Variants in UNC45A observed in about 807,000 individuals in gnomAD.
UNC45A encodes the protein unc-45 myosin chaperone A.
In UNC45A, 78 loss-of-function variants were observed where a neutral mutation model predicts 103.2. That is an observed-to-expected ratio of 0.76 (90% CI 0.63 to 0.91). The LOEUF (loss-of-function observed/expected upper bound fraction) is 0.91, where lower values mean the gene tolerates loss of function less well. UNC45A is among the 40% of genes least tolerant of loss of function. UNC45A has a pLI of 0.00. For synonymous variants in UNC45A, 495 were observed against 504.6 expected (o/e 0.98, Z 0.25); for missense variants, 1,193 against 1,224.8 (o/e 0.97, Z 0.39).
intron 4 of UNC45A, among the ~76,000 whole-genome samples, chr15:90,938,498 C>T (rs2036127540): frequency 6.6e-6 from 1 of 151,914 alleles, no homozygotes; most frequent in Non-Finnish European, 1.5e-5. Flanking sequence ...AATTAGGAAG[C>T]AGATTGCCTG....
At chr15:90,932,424 C>G, upstream of UNC45A, 4 of 1,345,972 alleles carry the variant, frequency 3.0e-6, no homozygotes, top group Non-Finnish European at 3.8e-6. Flanking sequence ...GGCCGACGCG[C>G]CCACCGATGG....
In UNC45A at chr15:90,946,770, G is replaced by T. The variant is rs771082691; in HGVS notation, c.1356G>T (p.Glu452Asp). Residue 452 changes from glutamate (E) to aspartate (D), a missense_variant, in exon 10 of 20, where the codon GAG becomes GAT. Coordinates refer to ENST00000418476, the MANE Select transcript of UNC45A (RefSeq NM_018671.5). ...VIALCASEQE[E>D]EQLVAVEALI... ...CTCTGTGTGCCTCTGAGCAGGAGGA[G>T]GAGCAGCTGGTGGCCGTGGAGGCTC... 1 of 1,614,196 alleles carries T rather than the reference G, an allele frequency of 6.2e-7. No homozygotes were observed. The highest frequency in any genetic ancestry group is 8.5e-7 in the Non-Finnish European group (1 of 1,180,036).
chr15:90,931,249 T>G (rs78194647), upstream of UNC45A: 2,640 of 1,550,530 alleles, frequency 1.7e-3, 32 homozygotes, highest in African/African-American at 0.013. Context: ...GCTGGAGTTG[T>G]GCCTCTGGAT....
At chr15:90,931,410 A>T (rs532110423), upstream of UNC45A, 12 of 1,591,640 alleles carry the variant, frequency 7.5e-6, no homozygotes, top group African/African-American at 1.3e-5. Context: ...ACCATCCTGC[A>T]TAAGAGTCGA....
Position 90,939,682 on chromosome 15 carries a change from T to C in UNC45A, c.427-49T>C, listed in dbSNP as rs1596215709. 4 of 1,598,690 alleles carry C rather than the reference T, an allele frequency of 2.5e-6. No homozygotes were observed. The East Asian group carries it at 8.9e-5, about 36-fold the overall frequency. On this transcript the variant is annotated intron_variant, in intron 4 of 19. Transcript: ENST00000418476. ...AGACAAATGAATAGGGAGTGTGATG[T>C]CTCTGGCCAAGAGCCGTGATTTGTT...
intron 16 of UNC45A, 24 bp from the exon 17 acceptor site, chr15:90,950,475 CT>C (rs754917531): frequency 1.5e-4 from 245 of 1,611,386 alleles, no homozygotes; most frequent in Non-Finnish European, 1.9e-4. Flanking sequence ...GCAAGTACCC[CT>C]GACAGGTGGG....
chr15:90,947,711 AG>A (rs34544914), intron 10 of UNC45A, 84 bp from the exon 11 acceptor site: 29 of 946,048 alleles, frequency 3.1e-5, no homozygotes, highest in Non-Finnish European at 4.9e-5. Context: ...GCAGAGTGCC[AG>A]GGAGGGAGTC....
intron 9 of UNC45A, among the ~76,000 whole-genome samples, chr15:90,945,545 G>A (rs1414328018): frequency 6.6e-6 from 1 of 151,904 alleles, no homozygotes; most frequent in Non-Finnish European, 1.5e-5. Context: ...ATTTTTAGTA[G>A]AGACGGGGTT....
chr15:90,938,513 A>G (rs2036128068), intron 4 of UNC45A, among the ~76,000 whole-genome samples: 2 of 152,004 alleles, frequency 1.3e-5, no homozygotes, highest in South Asian at 4.2e-4. Flanking sequence ...TGCCTGAGCC[A>G]AGCAGGGGAA....
At chr15:90,948,487 G>T in intron 12 of UNC45A, 167 bp from the exon 13 acceptor site, 1 of 1,302,368 alleles carries the variant, frequency 7.7e-7, no homozygotes, top group Non-Finnish European at 1.0e-6. Context: ...AGCTGGGGAG[G>T]TCAAGTTTGT....
At chr15:90,932,221 G>T, upstream of UNC45A, 2 of 1,228,458 alleles carry the variant, frequency 1.6e-6, no homozygotes, top group Non-Finnish European at 1.1e-6. Context: ...CTAGCTGGGT[G>T]ACCTTGGTCA....
chr15:90,938,596 G>T (rs1426021315), intron 4 of UNC45A, among the ~76,000 whole-genome samples: 2 of 152,122 alleles, frequency 1.3e-5, no homozygotes, highest in Non-Finnish European at 2.9e-5. Flanking sequence ...TGCTAGGCTT[G>T]TGCCACCATC....
At position 90,935,373 on chromosome 15, in the gene UNC45A, G is replaced by A. The variant is rs1421414630; in HGVS notation, c.49G>A (p.Gly17Arg). Residue 17 changes from glycine (G) to arginine (R), a missense_variant and splice_region_variant, in exon 1 of 20, where the codon GGG (glycine) becomes AGG (arginine). By Grantham distance (125) the Gly-to-Arg change is moderately radical (BLOSUM62 -2). Transcript: ENST00000418476. ...GTPEPRPATP[G>R]ASSVEQLRKE... ...CCCCGAGCCCCGGCCGGCCACCCCCGGGGTGCGTACCCAACCCCCGCGCCA... is the reference window on the plus strand; with the variant it reads ...CCCCGAGCCCCGGCCGGCCACCCCCAGGGTGCGTACCCAACCCCCGCGCCA... The A allele has an allele frequency of 5.0e-6, 8 of 1,595,030 alleles. No homozygotes were observed. The highest frequency in any genetic ancestry group is 2.3e-5 in the East Asian group (1 of 43,774).
upstream of UNC45A, chr15:90,933,758 T>C (rs1042046779): frequency 9.5e-6 from 3 of 316,864 alleles, no homozygotes; most frequent in Non-Finnish European, 1.7e-5. Context: ...TTCATACTAA[T>C]GGCTCAGCTG....
In UNC45A at chr15:90,943,850, G is replaced by T. The variant is rs182326417; in HGVS notation, c.1027+768G>T. Among the ~76,000 whole-genome samples the T allele has an allele frequency of 4.2e-3, 637 of 151,914 alleles. 5 individuals carry two copies. Among genetic ancestry groups the T allele is most frequent in the African/African-American group, 0.013 (556 of 41,466 alleles). ...ATTATAGGCACGCATCAGTATGCCC[G>T]GCTAATTCTTGTAGTTGTAGTAGAG... On this transcript the variant is annotated intron_variant, in intron 8 of 19. Coordinates refer to ENST00000418476, the MANE Select transcript of UNC45A (RefSeq NM_018671.5).
intron 4 of UNC45A, 135 bp from the exon 5 acceptor site, chr15:90,939,596 T>C: frequency 2.5e-6 from 2 of 802,992 alleles, no homozygotes; most frequent in South Asian, 3.4e-5. Flanking sequence ...CTGCCCAGGG[T>C]AGCTAGGTGC....
Position 90,936,318 on chromosome 15 carries a change from T to C in UNC45A, c.284T>C (p.Leu95Pro), listed in dbSNP as rs757628772. The change falls in exon 4 of 20, where the codon CTC (leucine) becomes CCC (proline). Residue 95 changes from leucine (L) to proline (P), a missense_variant. By Grantham distance (98) the Leu-to-Pro change is moderately conservative (BLOSUM62 -3). Transcript: ENST00000418476. ...AAGGATGGTGGGGATGTCAAAGCAC[T>C]CTACCGGCGGAGCCAAGCCCTAGAG... ...IEKDGGDVKA[L>P]YRRSQALEKL... 1.2e-6 allele frequency: 2 copies of C among 1,613,972 alleles called. No homozygotes were observed. The highest frequency in any genetic ancestry group is 1.7e-6 in the Non-Finnish European group (2 of 1,179,930).
At chr15:90,943,176 G>A in intron 8 of UNC45A, 94 bp downstream of exon 8, 1 of 1,436,032 alleles carries the variant, frequency 7.0e-7, no homozygotes, top group Non-Finnish European at 9.3e-7. Context: ...GCCAGGCATG[G>A]TGGATGACAC....
upstream of UNC45A, chr15:90,931,659 C>T (rs371199456): frequency 1.1e-4 from 170 of 1,613,774 alleles, no homozygotes; most frequent in Admixed American, 1.5e-4. Context: ...CTTCAGAAGG[C>T]GGCATCCCCC....
Sources: allele counts gnomAD v4.1 joint callset (sites outside exome capture counted in the v4.1 genomes callset), GRCh38; gene constraint gnomAD v4.1.1; transcripts MANE v1.5; gene names NCBI Gene and HGNC (gene_info 2026-07-23, HGNC 2026-07-21).